Variants in APBB1IP observed in about 807,000 individuals in gnomAD.
APBB1IP encodes amyloid beta A4 precursor protein-binding family B member 1-interacting protein.
A neutral mutation model predicts 64.9 loss-of-function variants in APBB1IP; 27 were observed. That is an observed-to-expected ratio of 0.42 (90% confidence interval 0.31 to 0.57). The LOEUF (loss-of-function observed/expected upper bound fraction) is 0.57, where lower values mean the gene tolerates loss of function less well. Ranked by LOEUF, APBB1IP falls within the 20% of genes least tolerant of loss-of-function variation. APBB1IP has a pLI of 0.20. For missense variants in APBB1IP, 812 were observed against 845.5 expected (o/e 0.96, Z 0.49); for synonymous variants, 392 against 331.0 (o/e 1.18, Z -2.00).
chr10:26,470,464 A>G (rs1835703267), intron 2 of APBB1IP, among the ~76,000 whole-genome samples: 1 of 152,154 alleles, frequency 6.6e-6, no homozygotes, highest in Non-Finnish European at 1.5e-5. Flanking sequence ...GCTTGAACCC[A>G]GGAAGAAGAG....
intron 4 of APBB1IP, among the ~76,000 whole-genome samples, chr10:26,497,611 A>G (rs911918137): frequency 1.3e-5 from 2 of 152,082 alleles, no homozygotes; most frequent in Non-Finnish European, 2.9e-5. Context: ...GCAACTCTGG[A>G]AAAAGATTTC....
In APBB1IP at chr10:26,541,619, A is replaced by G. The variant is rs1249545972; in HGVS notation, c.1082A>G (p.Asn361Ser). Residue 361 changes from asparagine to serine, a missense_variant, in exon 11 of 15, where the codon AAT becomes AGT. Around this residue, in one of 3 missense-constraint regions of APBB1IP, gnomAD observed 37 missense variants for 80.4 expected, o/e 0.46. Transcript: ENST00000376236. ...CTGGCGTGTTTTATACAGTTTGAAA[A>G]TGTCAACATTTACTATGGGACTCAG... ...RDLACFIQFE[N>S]VNIYYGTQHK... 1 of 1,612,144 alleles carries G rather than the reference A, an allele frequency of 6.2e-7. No individual in the cohort carries two copies.
chr10:26,522,470 T>C (rs1441826710), intron 8 of APBB1IP, among the ~76,000 whole-genome samples: 1 of 152,218 alleles, frequency 6.6e-6, no homozygotes, highest in African/African-American at 2.4e-5. Context: ...TTGTTCCTTT[T>C]TTTTCCCTTT....
chr10:26,560,841 A>C lies in APBB1IP; in HGVS notation c.1366A>C (p.Thr456Pro). Residue 456 changes from threonine to proline, a missense_variant, in exon 13 of 15, where the codon ACA (threonine) becomes CCA (proline). Physicochemically the swap from Thr to Pro is conservative, Grantham distance 38. Around this residue, in one of 3 missense-constraint regions of APBB1IP, gnomAD observed 381 missense variants for 352.1 expected, o/e 1.08. Coordinates refer to ENST00000376236, the MANE Select transcript of APBB1IP (RefSeq NM_019043.4). Reference protein sequence around the residue: ...VNAAAPAQPSTGPKTGTTQPN... With the variant: ...VNAAAPAQPSPGPKTGTTQPN... ...TGCAGCTGCACCAGCTCAGCCATCT[A>C]CAGGTACTAAGTGGAGGAGAAATTC... 1.3e-6 allele frequency: 2 copies of C among 1,588,362 alleles called. No homozygotes were observed. Among genetic ancestry groups the C allele is most frequent in the Non-Finnish European group, 1.7e-6 (2 of 1,169,102 alleles).
rs1325261179 is a variant in APBB1IP at position 26,489,038 on chromosome 10, C to A, written c.1-3289C>A. On this transcript the variant is annotated intron_variant, in intron 2 of 14. Coordinates refer to ENST00000376236, the MANE Select transcript of APBB1IP (RefSeq NM_019043.4). Reference sequence around the variant, plus strand: ...ACCCCTTCTTGTACCCTCTCAATGCCTCCTGGCCAACACAGTTTTACAACT... The same window carrying A: ...ACCCCTTCTTGTACCCTCTCAATGCATCCTGGCCAACACAGTTTTACAACT... 9.8e-5 allele frequency among the ~76,000 whole-genome samples: 15 copies of A among 152,328 alleles called. No homozygotes were observed. In the South Asian group the frequency reaches 3.1e-3, roughly 32 times the overall value.
At chr10:26,547,531 T>C (rs1347699231) in intron 11 of APBB1IP, among the ~76,000 whole-genome samples, 6 of 152,134 alleles carry the variant, frequency 3.9e-5, no homozygotes, top group African/African-American at 1.4e-4. Flanking sequence ...AACCTCCGCC[T>C]CTCGGGTTCA....
intron 11 of APBB1IP, among the ~76,000 whole-genome samples, chr10:26,556,255 G>C (rs527423942): frequency 1.6e-4 from 25 of 152,310 alleles, no homozygotes; most frequent in African/African-American, 5.8e-4. Context: ...GCTCGGTTAG[G>C]CAATAAGCTC....
intron 2 of APBB1IP, among the ~76,000 whole-genome samples, chr10:26,480,265 C>A (rs1835819411): frequency 6.6e-6 from 1 of 152,128 alleles, no homozygotes; most frequent in African/African-American, 2.4e-5. Flanking sequence ...CACTCCAAGA[C>A]CTAGGAACCC....
In APBB1IP at chr10:26,518,257, T is replaced by A. The variant is rs555378489; in HGVS notation, c.813+4597T>A. Among the ~76,000 whole-genome samples, 7 of 149,470 alleles carry A rather than the reference T, an allele frequency of 4.7e-5. No homozygotes were observed. In the East Asian group the frequency reaches 5.9e-4, roughly 13 times the overall value. On this transcript the variant is annotated intron_variant, in intron 8 of 14. Coordinates refer to ENST00000376236, the MANE Select transcript of APBB1IP (RefSeq NM_019043.4). ...CATGAGCCACCGCGCCCAGCCTATT[T>A]TTTTTTTTTTTTTAAAGAGTCCTTC...
chr10:26,543,318 G>A (rs1836719568), intron 11 of APBB1IP, among the ~76,000 whole-genome samples: 1 of 151,774 alleles, frequency 6.6e-6, no homozygotes, highest in African/African-American at 2.4e-5. Flanking sequence ...AATACAAACA[G>A]TAGCTGGGCG....
chr10:26,528,356 G>A (rs568920331), intron 8 of APBB1IP, among the ~76,000 whole-genome samples: 57 of 152,240 alleles, frequency 3.7e-4, no homozygotes, highest in African/African-American at 1.3e-3. Flanking sequence ...GTGCCTTTGT[G>A]CATGCTTGTT....
intron 2 of APBB1IP, among the ~76,000 whole-genome samples, chr10:26,490,951 G>A (rs1396637204): frequency 6.6e-6 from 1 of 152,098 alleles, no homozygotes; most frequent in African/African-American, 2.4e-5. Context: ...AGCTATAATT[G>A]GCATTAATAT....
At chr10:26,447,170 G>A (rs752251787) in intron 2 of APBB1IP, among the ~76,000 whole-genome samples, 1 of 151,688 alleles carries the variant, frequency 6.6e-6, no homozygotes, top group African/African-American at 2.4e-5. Context: ...TCAGGAGATC[G>A]AGACCATCCT....
intron 11 of APBB1IP, among the ~76,000 whole-genome samples, chr10:26,555,403 A>G (rs1259884505): frequency 6.6e-6 from 1 of 152,122 alleles, no homozygotes; most frequent in Non-Finnish European, 1.5e-5. Context: ...TTCTCCAAAT[A>G]TATTACAGCA....
Position 26,567,538 on chromosome 10 carries a change from C to T in APBB1IP, c.*50C>T. The T allele has an allele frequency of 6.6e-7, 1 of 1,514,494 alleles. No individual in the cohort carries two copies. The highest frequency in any genetic ancestry group is 9.0e-7 in the Non-Finnish European group (1 of 1,115,526). 93.8% of individuals were successfully genotyped at this position (1,514,494 alleles called of 1,614,324 possible). A position where few individuals can be genotyped will look rare whatever the true frequency, so the allele number is the denominator to read the frequency against. On this transcript the variant is annotated 3_prime_UTR_variant, in exon 15 of 15. Transcript: ENST00000376236. ...AGGGAGAAGCATCGCTGACCCCGAG[C>T]GCAGGTTTTGCTAGCAGATTGCCCT...
intron 4 of APBB1IP, among the ~76,000 whole-genome samples, chr10:26,500,537 C>G (rs2132437036): frequency 6.6e-6 from 1 of 152,266 alleles, no homozygotes; most frequent in Middle Eastern, 3.4e-3. Context: ...GACTTTATAG[C>G]TGGTATGTCA....
At chr10:26,487,260 T>C (rs1451676423) in intron 2 of APBB1IP, among the ~76,000 whole-genome samples, 8 of 150,752 alleles carry the variant, frequency 5.3e-5, no homozygotes, top group Non-Finnish European at 1.0e-4. Flanking sequence ...CTTTGGAAAA[T>C]ACCACACGTA....
At chr10:26,527,001 T>C (rs1386206511) in intron 8 of APBB1IP, among the ~76,000 whole-genome samples, 1 of 152,186 alleles carries the variant, frequency 6.6e-6, no homozygotes, top group African/African-American at 2.4e-5. Context: ...TGGCAGCTAT[T>C]GTGGGAGAAA....
At chr10:26,455,904 A>T (rs1835519589) in intron 2 of APBB1IP, among the ~76,000 whole-genome samples, 1 of 152,244 alleles carries the variant, frequency 6.6e-6, no homozygotes, top group Admixed American at 6.5e-5. Context: ...AACAACCCAA[A>T]TGTCCATCAA....
Sources: gnomAD v4.1 joint callset for allele counts (sites outside exome capture counted in the v4.1 genomes callset) on GRCh38, gnomAD v4.1.1 for gene constraint, gnomAD v4.1.1 regional missense constraint, MANE v1.5 for transcripts, NCBI Gene and HGNC (gene_info 2026-07-23, HGNC 2026-07-21) for gene names.